Variants in KCNA2 observed in about 807,000 individuals in gnomAD.
KCNA2 encodes the protein potassium channel, voltage gated shaker related subfamily A, member 2.
In KCNA2, 11 loss-of-function variants were observed where a neutral mutation model predicts 33.4. The observed-to-expected ratio is 0.33, with a 90% CI of 0.21 to 0.55. KCNA2 has a LOEUF of 0.55. Ranked by LOEUF, KCNA2 falls within the 20% of genes least tolerant of loss-of-function variation. The pLI, the probability that KCNA2 is intolerant of heterozygous loss-of-function variation, is 0.93. For missense variants in KCNA2, 291 were observed against 621.6 expected, an observed-to-expected ratio of 0.47 and a Z score of 5.66; for synonymous variants, 222 against 231.3, an observed-to-expected ratio of 0.96 and a Z score of 0.37.
chr1:110,603,487 C>G lies in KCNA2; in HGVS notation c.1296G>C (p.Val432=), dbSNP rs781282576. The G allele has an allele frequency of 1.9e-6, 3 of 1,613,898 alleles. No homozygotes were observed. In the East Asian group the frequency reaches 6.7e-5, roughly 36 times the overall value. ...AGGATGGGATCTTTGGACAGCTTGT[C>G]ACTTGCAAGTATTGGGCCTGTTCCT... The part of the protein sequence containing the change: ...EGEEQAQYLQ[V]TSCPKIPSSP... The change falls in exon 3 of 3, where the codon GTG becomes GTC. Residue 432 remains valine, a synonymous_variant. Transcript: ENST00000316361. The surrounding 1 kb of genome is among the most constrained non-coding windows in gnomAD (Gnocchi z 5.7).
At chr1:110,611,627 A>C (rs1261996238) in intron 1 of KCNA2, among the ~76,000 whole-genome samples, 8 of 151,440 alleles carry the variant, frequency 5.3e-5, no homozygotes, top group Admixed American at 5.3e-4. Flanking sequence ...TCGGGAGGCT[A>C]AGTTGAGAGG....
At chr1:110,620,089 T>A (rs12063235) in intron 1 of KCNA2, among the ~76,000 whole-genome samples, 22,083 of 94,872 alleles carry the variant, frequency 0.23, 2,378 homozygotes, top group African/African-American at 0.39. Context: ...AGAGAGAGAG[T>A]GAGTGAGAGA....
Position 110,602,673 on chromosome 1 carries a change from A to C in KCNA2, c.*610T>G. 1 of 994,522 alleles carries C rather than the reference A, an allele frequency of 1.0e-6. No individual in the cohort carries two copies. Among genetic ancestry groups the C allele is most frequent in the Non-Finnish European group, 1.2e-6 (1 of 835,840 alleles). The allele number at this position is 994,522 out of a possible 1,614,324, so 61.6% of individuals were successfully genotyped here. The stretch of plus-strand genomic sequence containing the variant: ...TCCCCCGGGCTTCCCTCACATCGAC[A>C]CTGCAGAGAAAAAGCAGAATGCAGC... On this transcript the variant is annotated 3_prime_UTR_variant, in exon 3 of 3. Transcript: ENST00000316361.
intron 1 of KCNA2, among the ~76,000 whole-genome samples, chr1:110,630,853 T>C (rs1650535271): frequency 6.6e-6 from 1 of 152,110 alleles, no homozygotes; most frequent in Admixed American, 6.5e-5. Flanking sequence ...CAAACTCCAG[T>C]ATTCACTCAC....
chr1:110,626,624 C>T (rs890400619), intron 1 of KCNA2, among the ~76,000 whole-genome samples: 6 of 151,580 alleles, frequency 4.0e-5, no homozygotes, highest in Non-Finnish European at 8.8e-5. Flanking sequence ...TAAATTTCAC[C>T]ATTAATGCAT....
chr1:110,623,728 C>T (rs1383632060), intron 1 of KCNA2, among the ~76,000 whole-genome samples: 3 of 152,066 alleles, frequency 2.0e-5, no homozygotes, highest in Non-Finnish European at 4.4e-5. Context: ...TAACAAGGAA[C>T]TCACATGCAG....
intron 1 of KCNA2, among the ~76,000 whole-genome samples, chr1:110,612,036 A>C (rs1052187891): frequency 2.6e-5 from 4 of 152,130 alleles, no homozygotes; most frequent in African/African-American, 9.7e-5. Context: ...ATAAATAAAT[A>C]AATAAAATAA....
chr1:110,616,806 G>A (rs1351028554), intron 1 of KCNA2, among the ~76,000 whole-genome samples: 1 of 152,198 alleles, frequency 6.6e-6, no homozygotes, highest in Non-Finnish European at 1.5e-5. Context: ...GCACTGTGGG[G>A]GACACACAGA....
At position 110,599,829 on chromosome 1, in the gene KCNA2, T is replaced by C. The variant is rs916904585; in HGVS notation, c.*3454A>G. 10 of 985,364 alleles carry C rather than the reference T, an allele frequency of 1.0e-5. No individual in the cohort carries two copies. In the Admixed American group the frequency reaches 4.9e-4, roughly 48 times the overall value. 61.0% of individuals were successfully genotyped at this position (985,364 alleles called of 1,614,324 possible). On this transcript the variant is annotated 3_prime_UTR_variant, in exon 3 of 3. Coordinates refer to ENST00000316361, the MANE Select transcript of KCNA2 (RefSeq NM_004974.4). The stretch of plus-strand genomic sequence containing the variant: ...GGGCTATTGGGTTGTCTGTGCGGAT[T>C]TGCTGGAAGGAAGGAAGGGTCATGG...
chr1:110,615,274 C>G (rs1650012740), intron 1 of KCNA2, among the ~76,000 whole-genome samples: 1 of 152,098 alleles, frequency 6.6e-6, no homozygotes, highest in South Asian at 2.1e-4. Flanking sequence ...GAATTAGAGG[C>G]ATGAAAGACT....
rs139755806 is a variant in KCNA2, at chr1:110,600,303, G to A, written c.*2980C>T. On this transcript the variant is annotated 3_prime_UTR_variant, in exon 3 of 3. Transcript: ENST00000316361. ...TATACTGAGTTTGTGTGTATTTTAT[G>A]TGTAGAAACAATGGTAAAGTAGCCT... The A allele has an allele frequency of 2.7e-4, 265 of 983,614 alleles. 6 individuals are homozygous for A. The East Asian group carries it at 0.024, about 89-fold the overall frequency. The allele number at this position is 983,614 out of a possible 1,614,324, so 60.9% of individuals were successfully genotyped here.
chr1:110,620,954 G>C (rs1281062138), intron 1 of KCNA2, among the ~76,000 whole-genome samples: 1 of 152,226 alleles, frequency 6.6e-6, no homozygotes, highest in East Asian at 1.9e-4. Flanking sequence ...TCTCACTAAA[G>C]TGTGAGAATT....
chr1:110,620,041 AGAGAGC>A (rs967699445), intron 1 of KCNA2, among the ~76,000 whole-genome samples: 2 of 137,550 alleles, frequency 1.5e-5, no homozygotes, highest in African/African-American at 5.6e-5. Context: ...AATGAGAGAG[AGAGAGC>A]GAGAGCGAGA....
At position 110,598,406 on chromosome 1, in the gene KCNA2, C is replaced by A; in HGVS notation, c.*4877G>T. 1.0e-6 allele frequency: 1 copy of A among 985,372 alleles called. No individual in the cohort carries two copies. The highest frequency in any genetic ancestry group is 1.2e-6 in the Non-Finnish European group (1 of 829,932). The allele number at this position is 985,372 out of a possible 1,614,324, so 61.0% of individuals were successfully genotyped here. ...TATAGTTTCCTTAGGGGGGAGTCAG[C>A]CTCTGTGACTCTACTACTGTGGGCA... On this transcript the variant is annotated 3_prime_UTR_variant, in exon 3 of 3. Coordinates refer to ENST00000316361, the MANE Select transcript of KCNA2 (RefSeq NM_004974.4).
At chr1:110,609,537 G>T (rs1321619728), upstream of KCNA2, among the ~76,000 whole-genome samples, 1 of 152,150 alleles carries the variant, frequency 6.6e-6, no homozygotes, top group African/African-American at 2.4e-5. Flanking sequence ...TAGGACATGT[G>T]CCCTTAGCCC....
In KCNA2 at chr1:110,597,032, C is replaced by T. The variant is rs530724833; in HGVS notation, c.*6251G>A. The T allele has an allele frequency of 2.0e-6, 2 of 985,400 alleles. No individual in the cohort carries two copies. Among genetic ancestry groups the T allele is most frequent in the East Asian group, 2.3e-4 (2 of 8,822 alleles). The allele number at this position is 985,400 out of a possible 1,614,324, so 61.0% of individuals were successfully genotyped here. On this transcript the variant is annotated 3_prime_UTR_variant, in exon 3 of 3. Coordinates refer to ENST00000316361, the MANE Select transcript of KCNA2 (RefSeq NM_004974.4). ...AGTCTTTATTTCACTAATGTCATGC[C>T]CTAACCACCCAAACTTCTATCCCTG... is the stretch of plus-strand genomic sequence containing the variant.
Position 110,602,681 on chromosome 1 carries a change from G to GA in KCNA2, c.*601dup. ...GCTTCCCTCACATCGACACTGCAGA[G>GA]AAAAAGCAGAATGCAGCATTTTCCG... On this transcript the variant is annotated 3_prime_UTR_variant, in exon 3 of 3. Transcript: ENST00000316361. 4 of 993,584 alleles carry GA rather than the reference G, an allele frequency of 4.0e-6. No homozygotes were observed. Among genetic ancestry groups the GA allele is most frequent in the Non-Finnish European group, 4.8e-6 (4 of 835,268 alleles). The allele number at this position is 993,584 out of a possible 1,614,324, so 61.5% of individuals were successfully genotyped here. A position where few individuals can be genotyped will look rare whatever the true frequency, so the allele number is the denominator to read the frequency against.
rs527366689 is a variant in KCNA2 at position 110,626,956 on chromosome 1, G to A, written c.-496+4439C>T. On this transcript the variant is annotated intron_variant, in intron 1 of 4. Transcript: ENST00000369770. ...AGAAGAATGTGATGACGATGACGAT[G>A]ATGATGATACCTCTGTTTACTGGGC... 1.1e-4 allele frequency among the ~76,000 whole-genome samples: 17 copies of A among 152,316 alleles called. No individual in the cohort carries two copies. The South Asian group carries it at 3.5e-3, about 32-fold the overall frequency.
intron 1 of KCNA2, among the ~76,000 whole-genome samples, chr1:110,622,139 G>T (rs1255410864): frequency 6.6e-6 from 1 of 152,002 alleles, no homozygotes; most frequent in Admixed American, 6.6e-5. Context: ...AATAAGAAAA[G>T]AATAATACAT....
Sources: allele counts gnomAD v4.1 joint callset (sites outside exome capture counted in the v4.1 genomes callset), GRCh38; gene constraint gnomAD v4.1.1; non-coding constraint Gnocchi (gnomAD v3.1); transcripts MANE v1.5; gene names NCBI Gene and HGNC (gene_info 2026-07-23, HGNC 2026-07-21).